The following PCNX1 variants were observed in gnomAD, a reference collection of about 807,000 sequenced individuals.
PCNX1 encodes the protein pecanex-like protein 1.
Under a neutral mutation model 242.2 loss-of-function variants are expected in PCNX1, and 78 were observed. The ratio of observed to expected loss-of-function variants is 0.32; its 90% CI spans 0.27 to 0.39. The LOEUF is 0.39. Ranked by LOEUF, PCNX1 falls within the 10% of genes least tolerant of loss-of-function variation. The probability of loss-of-function intolerance (pLI) is 1.00; values close to 1 mark genes in which losing one functional copy is unlikely to be tolerated. For missense variants in PCNX1, 2,581 were observed against 2,856.5 expected (o/e 0.90, Z 2.20); for synonymous variants, 1,024 against 1,032.9 (o/e 0.99, Z 0.17).
chr14:71,053,338 T>A (rs2061091223), intron 24 of PCNX1: 1 of 448,828 alleles, frequency 2.2e-6, no homozygotes, highest in African/African-American at 2.0e-5. Context: ...AATGACACAA[T>A]CTCGACTCAC....
intron 27 of PCNX1, among the ~76,000 whole-genome samples, chr14:71,075,668 G>A (rs147187193): frequency 4.9e-4 from 74 of 152,170 alleles, no homozygotes; most frequent in Admixed American, 1.6e-3. Flanking sequence ...AGGCCGAGGC[G>A]GATGGACCAC....
rs1394395906 is a variant in PCNX1 at position 70,907,798 on chromosome 14, C to T, written c.-53C>T. 10 of 1,212,704 alleles carry T rather than the reference C, an allele frequency of 8.2e-6. No individual in the cohort carries two copies. The highest frequency in any genetic ancestry group is 3.6e-5 in the East Asian group (1 of 27,538). The allele number at this position is 1,212,704 out of a possible 1,614,324, so 75.1% of individuals were successfully genotyped here. On this transcript the variant is annotated 5_prime_UTR_variant, in exon 1 of 36. Transcript: ENST00000304743. ...CCGGCGACCGAGGCCGAGCTGGGGC[C>T]GGGGCGGGGACGGCGGCGGCGGCGG...
At chr14:70,908,685 G>A (rs560105615) in intron 1 of PCNX1, among the ~76,000 whole-genome samples, 1 of 151,840 alleles carries the variant, frequency 6.6e-6, no homozygotes, top group Admixed American at 6.6e-5. Context: ...GCCGGTGGCC[G>A]TGGTGCTTCC....
chr14:70,907,823 GCGGCGACGGCGGCGGCGC>G lies in PCNX1; in HGVS notation c.-24_-7del. 1 of 1,250,162 alleles carries G rather than the reference GCGGCGACGGCGGCGGCGC, an allele frequency of 8.0e-7. No homozygotes were observed. The highest frequency in any genetic ancestry group is 1.0e-6 in the Non-Finnish European group (1 of 995,826). The allele number at this position is 1,250,162 out of a possible 1,614,324, so 77.4% of individuals were successfully genotyped here. On this transcript the variant is annotated 5_prime_UTR_variant, in exon 1 of 36. Coordinates refer to ENST00000304743, the MANE Select transcript of PCNX1 (RefSeq NM_014982.3). ...CGGGGCGGGGACGGCGGCGGCGGCGGCGGCGACGGCGGCGGCGCCGGGTGGGGATGGGGTCGCAGACGC... is the reference window on the plus strand; with the variant it reads ...CGGGGCGGGGACGGCGGCGGCGGCGGCGGGTGGGGATGGGGTCGCAGACGC...
intron 1 of PCNX1, among the ~76,000 whole-genome samples, chr14:70,946,620 A>T (rs2057466374): frequency 6.6e-6 from 1 of 152,248 alleles, no homozygotes; most frequent in Admixed American, 6.5e-5. Flanking sequence ...TTCAACATGT[A>T]ATCAACATTA....
chr14:71,082,864 T>C (rs1324250754), intron 28 of PCNX1, among the ~76,000 whole-genome samples: 3 of 152,206 alleles, frequency 2.0e-5, no homozygotes, highest in Non-Finnish European at 4.4e-5. Context: ...TTAATATTGT[T>C]ATATGTGAAT....
At chr14:71,077,337 T>G (rs1288360499) in intron 28 of PCNX1, among the ~76,000 whole-genome samples, 2 of 152,198 alleles carry the variant, frequency 1.3e-5, no homozygotes, top group Non-Finnish European at 2.9e-5. Flanking sequence ...GCAAAAGCCT[T>G]GTGTAGTTGA....
Position 70,936,917 on chromosome 14 carries a change from G to C in PCNX1, c.154-9998G>C, listed in dbSNP as rs549940448. Among the ~76,000 whole-genome samples the C allele has an allele frequency of 2.5e-4, 38 of 152,306 alleles. No individual in the cohort carries two copies. In the Middle Eastern group the frequency reaches 0.01, roughly 41 times the overall value. On this transcript the variant is annotated intron_variant, in intron 1 of 35. Coordinates refer to ENST00000304743, the MANE Select transcript of PCNX1 (RefSeq NM_014982.3). ...GCATTTTTTTATGTGTCTGTTGGCT[G>C]GATAAATGTCTTCTTTTGAGAAGTG...
intron 30 of PCNX1, among the ~76,000 whole-genome samples, chr14:71,099,159 A>T (rs1490592073): frequency 4.6e-5 from 6 of 131,464 alleles, no homozygotes; most frequent in Non-Finnish European, 3.2e-5. Flanking sequence ...TATTATTTTG[A>T]TTTTTTTTTT....
At chr14:71,021,696 A>G (rs2060105739) in intron 12 of PCNX1, among the ~76,000 whole-genome samples, 1 of 152,160 alleles carries the variant, frequency 6.6e-6, no homozygotes, top group Non-Finnish European at 1.5e-5. Flanking sequence ...TTAAGTCTCC[A>G]TGCTTTATGA....
At chr14:71,002,145 AG>A (rs2059523657) in intron 8 of PCNX1, among the ~76,000 whole-genome samples, 1 of 152,218 alleles carries the variant, frequency 6.6e-6, no homozygotes, top group Admixed American at 6.5e-5. Context: ...TACTCTTGGC[AG>A]TGGCTGTCTT....
chr14:71,019,200 T>C (rs1191526423), intron 12 of PCNX1, 38 bp downstream of exon 12: 10 of 1,527,484 alleles, frequency 6.5e-6, no homozygotes, highest in African/African-American at 1.4e-5. Context: ...CGGAATTATA[T>C]TTGTGTTAAA....
chr14:71,098,304 A>G (rs1280221292), intron 30 of PCNX1, among the ~76,000 whole-genome samples: 1 of 152,092 alleles, frequency 6.6e-6, no homozygotes, highest in Non-Finnish European at 1.5e-5. Flanking sequence ...GTTTTTTCTA[A>G]TTCTGTGAAA....
At chr14:71,068,452 A>C (rs973389814) in intron 26 of PCNX1, among the ~76,000 whole-genome samples, 1 of 149,160 alleles carries the variant, frequency 6.7e-6, no homozygotes, top group Non-Finnish European at 1.5e-5. Flanking sequence ...ATATGTATAT[A>C]TGTGTATATA....
chr14:70,968,753 T>C (rs1595085905), intron 4 of PCNX1, among the ~76,000 whole-genome samples: 1 of 152,238 alleles, frequency 6.6e-6, no homozygotes, highest in South Asian at 2.1e-4. Flanking sequence ...ATTCCACTTG[T>C]TTTTAAAGAA....
In PCNX1 at chr14:71,109,799, T is replaced by C; in HGVS notation, c.6890T>C (p.Ile2297Thr). 1 of 1,613,954 alleles carries C rather than the reference T, an allele frequency of 6.2e-7. No homozygotes were observed. Among genetic ancestry groups the C allele is most frequent in the Non-Finnish European group, 8.5e-7 (1 of 1,179,860 alleles). Residue 2297 changes from isoleucine to threonine, a missense_variant, in exon 36 of 36, where the codon ATT becomes ACT. This residue lies in a region of PCNX1 where 432 missense variants were observed against 433.6 expected (regional missense o/e 1.00). Coordinates refer to ENST00000304743, the MANE Select transcript of PCNX1 (RefSeq NM_014982.3). ...TGTTTTATTCTGAATCATTAGGTGA[T>C]TCACCGATGGGTGCCTTGCAGCAGA... ...SPQEGMEGHV[I>T]HRWVPCSRDP...
intron 5 of PCNX1, among the ~76,000 whole-genome samples, chr14:70,976,058 G>C (rs2058677950): frequency 1.3e-5 from 2 of 152,014 alleles, no homozygotes; most frequent in African/African-American, 4.8e-5. Context: ...GTTTGTTTCT[G>C]ATTACTCTAG....
chr14:71,008,104 G>C (rs2140495671), intron 8 of PCNX1, among the ~76,000 whole-genome samples: 1 of 152,100 alleles, frequency 6.6e-6, no homozygotes, highest in East Asian at 1.9e-4. Flanking sequence ...ACAGAAAACA[G>C]CATAACTTTT....
At position 71,087,278 on chromosome 14, in the gene PCNX1, G is replaced by T. The variant is rs534711301; in HGVS notation, c.5338-1052G>T. Among the ~76,000 whole-genome samples the T allele has an allele frequency of 5.5e-4, 83 of 152,076 alleles. 1 individual carries two copies. Among genetic ancestry groups the T allele is most frequent in the South Asian group, 4.8e-3 (23 of 4,800 alleles). On this transcript the variant is annotated intron_variant, in intron 28 of 35. Coordinates refer to ENST00000304743, the MANE Select transcript of PCNX1 (RefSeq NM_014982.3). ...TGCCTACTTGATGAAACTAGAGTACGTGCTGTAAGAGGTAATATGTCTTTA... is the reference window on the plus strand; with the variant it reads ...TGCCTACTTGATGAAACTAGAGTACTTGCTGTAAGAGGTAATATGTCTTTA...
Sources: gnomAD v4.1 joint callset for allele counts (sites outside exome capture counted in the v4.1 genomes callset) on GRCh38, gnomAD v4.1.1 for gene constraint, gnomAD v4.1.1 regional missense constraint, MANE v1.5 for transcripts, NCBI Gene and HGNC (gene_info 2026-07-23, HGNC 2026-07-21) for gene names.